RNF32: variants seen among roughly 807,000 people sequenced by gnomAD.
RNF32 encodes ring finger protein 32.
A neutral mutation model predicts 41.0 loss-of-function variants in RNF32; 36 were observed. That is an observed-to-expected ratio of 0.88 (90% CI 0.67 to 1.16). RNF32 has a LOEUF of 1.16. Among genes scored for constraint, RNF32 ranks in the 50% most tolerant of loss-of-function variants. The pLI is 0.00. For missense variants in RNF32, 413 were observed against 436.7 expected, an observed-to-expected ratio of 0.95 and a Z score of 0.48; for synonymous variants, 154 against 160.9, an observed-to-expected ratio of 0.96 and a Z score of 0.32.
chr7:156,658,276 C>T lies in RNF32; in HGVS notation c.575+24C>T, dbSNP rs371871519. On this transcript the variant is annotated intron_variant, in intron 6 of 8. Coordinates refer to ENST00000317955, the MANE Select transcript of RNF32 (RefSeq NM_030936.4). Reference sequence around the variant, plus strand: ...AGGTGAGGACGCCAGGCCCGTTTGGCGCTAAGCAGACACAGATCAGGCTAT... The same window carrying T: ...AGGTGAGGACGCCAGGCCCGTTTGGTGCTAAGCAGACACAGATCAGGCTAT... 4.3e-5 allele frequency: 69 copies of T among 1,610,950 alleles called. No homozygotes were observed. The Admixed American group carries it at 7.8e-4, about 18-fold the overall frequency.
intron 3 of RNF32, among the ~76,000 whole-genome samples, chr7:156,648,191 T>C (rs1798237998): frequency 6.6e-6 from 1 of 152,096 alleles, no homozygotes; most frequent in African/African-American, 2.4e-5. Context: ...GCATGGAAAA[T>C]AGGTTTGGTT....
chr7:156,655,950 ATTTC>A (rs1585040284), intron 4 of RNF32, among the ~76,000 whole-genome samples: 1 of 152,142 alleles, frequency 6.6e-6, no homozygotes, highest in South Asian at 2.1e-4. Flanking sequence ...CCTGCCCAAC[ATTTC>A]TTTCTGATTT....
chr7:156,640,283 A>T (rs1797105125), upstream of RNF32: 1 of 448,706 alleles, frequency 2.2e-6, no homozygotes, highest in Non-Finnish European at 4.5e-6. Context: ...GAGACCCTGG[A>T]ACGGGAACGA....
chr7:156,641,458 C>T (rs567977725), intron 1 of RNF32, among the ~76,000 whole-genome samples: 1 of 152,284 alleles, frequency 6.6e-6, no homozygotes, highest in Non-Finnish European at 1.5e-5. Context: ...GTTTCTAACC[C>T]TACCAGTGCC....
chr7:156,645,218 A>G (rs1797831987), intron 3 of RNF32, among the ~76,000 whole-genome samples: 1 of 152,236 alleles, frequency 6.6e-6, no homozygotes, highest in South Asian at 2.1e-4. Flanking sequence ...ATGCAAGTAC[A>G]TGGCAGGGAG....
intron 3 of RNF32, among the ~76,000 whole-genome samples, chr7:156,645,257 C>T (rs1797834729): frequency 6.6e-6 from 1 of 152,218 alleles, no homozygotes; most frequent in Non-Finnish European, 1.5e-5. Flanking sequence ...ATTACTTCAG[C>T]TGTACAGTTG....
chr7:156,673,259 GC>G (rs1802989097), intron 7 of RNF32, among the ~76,000 whole-genome samples: 1 of 152,134 alleles, frequency 6.6e-6, no homozygotes, highest in Admixed American at 6.5e-5. Flanking sequence ...TGCTTTTCAG[GC>G]ATATGTGGAA....
rs896744276 is a variant in RNF32 at position 156,676,486 on chromosome 7, G to A, written c.920G>A (p.Arg307His). The change falls in exon 9 of 9, where the codon CGC (arginine) becomes CAC (histidine). Residue 307 changes from arginine to histidine, a missense_variant. Transcript: ENST00000317955. ...CCTCTCTCCGCTGCTGGCGGTCAGCGCGTGGGTGCAGGCAGGCGTTCCAGA... is the reference window on the plus strand; with the variant it reads ...CCTCTCTCCGCTGCTGGCGGTCAGCACGTGGGTGCAGGCAGGCGTTCCAGA... Reference protein sequence around the residue: ...LAPLSAAGGQRVGAGRRSREM... With the variant: ...LAPLSAAGGQHVGAGRRSREM... The A allele has an allele frequency of 5.0e-6, 8 of 1,614,006 alleles. No individual in the cohort carries two copies. The highest frequency in any genetic ancestry group is 3.3e-5 in the South Asian group (3 of 91,062).
At chr7:156,654,751 C>A in intron 4 of RNF32, 33 bp downstream of exon 4, 1 of 1,595,444 alleles carries the variant, frequency 6.3e-7, no homozygotes. Flanking sequence ...CTAGAGAGCT[C>A]CTGGGCTGTT....
intron 3 of RNF32, among the ~76,000 whole-genome samples, chr7:156,653,821 T>C (rs1246011069): frequency 6.6e-6 from 1 of 152,166 alleles, no homozygotes; most frequent in Non-Finnish European, 1.5e-5. Flanking sequence ...ATAGAAAGTT[T>C]TTAGCAGGGG....
At chr7:156,642,945 C>G (rs1032946764) in intron 1 of RNF32, 2 of 152,212 alleles carry the variant, frequency 1.3e-5, no homozygotes, top group African/African-American at 4.8e-5. Flanking sequence ...TCCTAGATTA[C>G]TTGAATAACT....
intron 2 of RNF32, among the ~76,000 whole-genome samples, chr7:156,644,125 C>G (rs944098219): frequency 2.6e-5 from 4 of 152,102 alleles, no homozygotes; most frequent in Non-Finnish European, 5.9e-5. Context: ...TTATTCTGCA[C>G]AGGAAATTAT....
chr7:156,647,717 C>T (rs1202960010), intron 3 of RNF32, among the ~76,000 whole-genome samples: 2 of 152,152 alleles, frequency 1.3e-5, no homozygotes, highest in African/African-American at 4.8e-5. Flanking sequence ...ATTGCTGGAT[C>T]GAGGGATAGA....
At chr7:156,675,979 G>T (rs1803874976) in intron 8 of RNF32, 116 bp downstream of exon 8, 1 of 1,093,918 alleles carries the variant, frequency 9.1e-7, no homozygotes, top group Non-Finnish European at 1.3e-6. Flanking sequence ...GGAGTGTCAG[G>T]CCCGGGGTGC....
chr7:156,647,195 CTTTT>C (rs201887733), intron 3 of RNF32, among the ~76,000 whole-genome samples: 2 of 151,726 alleles, frequency 1.3e-5, no homozygotes, highest in African/African-American at 4.8e-5. Context: ...TGTGTTTCTT[CTTTT>C]TTATTTATTT....
rs150352777 is a variant in RNF32 at position 156,661,747 on chromosome 7, C to T, written c.684+3177C>T. ...CACTGTGTTCATTTTTATTCCACTT[C>T]GTTTCCAAAGTGCTGGGCCTACTAC... On this transcript the variant is annotated intron_variant, in intron 7 of 8. Transcript: ENST00000317955. Among the ~76,000 whole-genome samples the T allele has an allele frequency of 4.0e-3, 603 of 152,328 alleles. 3 individuals carry two copies. The highest frequency in any genetic ancestry group is 4.4e-3 in the Non-Finnish European group (297 of 68,032).
At chr7:156,660,413 A>G in intron 7 of RNF32, 2 of 467,646 alleles carry the variant, frequency 4.3e-6, no homozygotes, top group Non-Finnish European at 5.6e-6. Flanking sequence ...GATGATTTCA[A>G]TAGCAAATTC....
chr7:156,647,535 G>C (rs1470657643), intron 3 of RNF32, among the ~76,000 whole-genome samples: 1 of 152,166 alleles, frequency 6.6e-6, no homozygotes, highest in Non-Finnish European at 1.5e-5. Flanking sequence ...TGGCTGAGTA[G>C]TATTCCATGG....
intron 7 of RNF32, chr7:156,660,114 T>C (rs967985213): frequency 1.5e-5 from 15 of 985,754 alleles, no homozygotes; most frequent in Non-Finnish European, 1.8e-5. Flanking sequence ...TGAGCCCTCA[T>C]CGCTCGGAAC....
Sources: allele counts gnomAD v4.1 joint callset (sites outside exome capture counted in the v4.1 genomes callset), GRCh38; gene constraint gnomAD v4.1.1; transcripts MANE v1.5; gene names NCBI Gene and HGNC (gene_info 2026-07-23, HGNC 2026-07-21).